The following LRP1B variants were observed in gnomAD, a reference collection of about 807,000 sequenced individuals.
LRP1B encodes the protein LDL receptor related protein 1B, also known as low-density lipoprotein receptor-related protein 1B.
LRP1B carries 217 observed loss-of-function variants against 556.6 expected under a neutral mutation model. That is an observed-to-expected ratio of 0.39 (90% CI 0.35 to 0.44). The LOEUF is 0.44. LRP1B is among the 20% of genes least tolerant of loss of function. The pLI is 1.00. For synonymous variants in LRP1B, 2,047 were observed against 1,865.8 expected (o/e 1.10, Z -2.50); for missense variants, 5,053 against 5,620.8 (o/e 0.90, Z 3.23).
chr2:141,011,153 T>C (rs1697737684), intron 14 of LRP1B, among the ~76,000 whole-genome samples: 1 of 150,496 alleles, frequency 6.6e-6, no homozygotes, highest in African/African-American at 2.4e-5. Flanking sequence ...AGGAGATATG[T>C]ACTACTTAGA....
At chr2:142,070,682 CTGATATTGATAT>C (rs112237423) in intron 1 of LRP1B, among the ~76,000 whole-genome samples, 45 of 151,672 alleles carry the variant, frequency 3.0e-4, no homozygotes, top group African/African-American at 6.5e-4. Context: ...TCAACAGATA[CTGATATTGATAT>C]TGATATTGAT....
intron 35 of LRP1B, among the ~76,000 whole-genome samples, chr2:140,720,406 G>T (rs1687359336): frequency 6.6e-6 from 1 of 151,886 alleles, no homozygotes; most frequent in South Asian, 2.1e-4. Context: ...ATGAGTCTTT[G>T]AAGCCATTTT....
chr2:140,828,304 C>T (rs901461525), intron 31 of LRP1B, among the ~76,000 whole-genome samples: 10 of 152,060 alleles, frequency 6.6e-5, no homozygotes, highest in African/African-American at 2.2e-4. Context: ...AGATTAAATT[C>T]TCCAATTTTT....
intron 41 of LRP1B, among the ~76,000 whole-genome samples, chr2:140,636,186 A>T (rs1454897920): frequency 2.0e-5 from 3 of 152,146 alleles, no homozygotes; most frequent in African/African-American, 7.2e-5. Flanking sequence ...ACAATTAAGA[A>T]ATTTTCTCTA....
At chr2:141,850,210 T>G (rs1697799239) in intron 1 of LRP1B, among the ~76,000 whole-genome samples, 2 of 151,718 alleles carry the variant, frequency 1.3e-5, no homozygotes, top group South Asian at 4.1e-4. Flanking sequence ...CATCTTTCCC[T>G]GCAGAAGTCA....
At chr2:141,862,597 CG>C (rs938623634) in intron 1 of LRP1B, among the ~76,000 whole-genome samples, 14 of 152,040 alleles carry the variant, frequency 9.2e-5, no homozygotes, top group African/African-American at 3.4e-4. Context: ...TTAGTAGAGA[CG>C]GGGTTTCAAC....
chr2:141,856,972 C>A (rs924513923), intron 1 of LRP1B, among the ~76,000 whole-genome samples: 1 of 151,008 alleles, frequency 6.6e-6, no homozygotes, highest in African/African-American at 2.4e-5. Flanking sequence ...GGTTGTGTGG[C>A]CTGGACTGTA....
intron 7 of LRP1B, among the ~76,000 whole-genome samples, chr2:141,184,302 C>A (rs1681141022): frequency 6.6e-6 from 1 of 151,906 alleles, no homozygotes; most frequent in Admixed American, 6.6e-5. Flanking sequence ...ACATGCTAAC[C>A]CAAAATCTGG....
chr2:140,277,678 T>C (rs1357158096), intron 84 of LRP1B, among the ~76,000 whole-genome samples: 1 of 151,616 alleles, frequency 6.6e-6, no homozygotes, highest in Non-Finnish European at 1.5e-5. Context: ...TCACTAGCAA[T>C]CAAGGAGATG....
intron 7 of LRP1B, among the ~76,000 whole-genome samples, chr2:141,178,767 C>T (rs1353562521): frequency 6.6e-6 from 1 of 151,992 alleles, no homozygotes; most frequent in African/African-American, 2.4e-5. Flanking sequence ...TATTTTTCTC[C>T]TTCTGCTAGT....
intron 5 of LRP1B, among the ~76,000 whole-genome samples, chr2:141,241,763 A>G (rs1409686525): frequency 2.0e-5 from 3 of 152,040 alleles, no homozygotes; most frequent in Non-Finnish European, 4.4e-5. Context: ...TCATGCACGC[A>G]TACGTGATAG....
intron 42 of LRP1B, among the ~76,000 whole-genome samples, chr2:140,600,771 T>TTG (rs1238007419): frequency 1.1e-5 from 1 of 88,684 alleles, no homozygotes. Context: ...TTCGGGGTTT[T>TTG]TTTTTTTTTT....
intron 2 of LRP1B, among the ~76,000 whole-genome samples, chr2:141,660,752 C>A (rs985398391): frequency 2.0e-5 from 3 of 152,144 alleles, no homozygotes; most frequent in Non-Finnish European, 2.9e-5. Flanking sequence ...CCCCTGCTGG[C>A]TCTGAAAAAT....
chr2:140,995,041 C>T (rs75612413), intron 15 of LRP1B, among the ~76,000 whole-genome samples: 3,737 of 152,052 alleles, frequency 0.025, 74 homozygotes, highest in East Asian at 0.048. Flanking sequence ...GGGCACATAT[C>T]ATGCTGGAGG....
chr2:141,375,775 G>A (rs986696500), intron 3 of LRP1B, among the ~76,000 whole-genome samples: 21 of 152,118 alleles, frequency 1.4e-4, no homozygotes, highest in Admixed American at 2.0e-4. Context: ...AGCCGTGGGT[G>A]GTGCTTTCTA....
chr2:141,658,472 A>C (rs1690095568), intron 2 of LRP1B, among the ~76,000 whole-genome samples: 1 of 152,190 alleles, frequency 6.6e-6, no homozygotes, highest in Admixed American at 6.5e-5. Flanking sequence ...GTGTTCCCTA[A>C]AAGGCAGCCC....
chr2:141,687,547 C>T (rs1211873658), intron 2 of LRP1B, among the ~76,000 whole-genome samples: 2 of 151,910 alleles, frequency 1.3e-5, no homozygotes, highest in African/African-American at 2.4e-5. Flanking sequence ...GCTGTTGGTT[C>T]TTGACCACAT....
At chr2:140,394,404 G>A (rs922003701) in intron 66 of LRP1B, among the ~76,000 whole-genome samples, 5 of 152,062 alleles carry the variant, frequency 3.3e-5, no homozygotes, top group Non-Finnish European at 5.9e-5. Context: ...CACTGAGGAG[G>A]CAGTACAGGG....
rs539566914 is a variant in LRP1B, at chr2:140,391,270, G to A, written c.10415-5261C>T. Among the ~76,000 whole-genome samples the A allele has an allele frequency of 2.6e-5, 4 of 152,142 alleles. No homozygotes were observed. The South Asian group carries it at 6.2e-4, about 24-fold the overall frequency. ...CAATATTTGACAGCATTATGCAAAT[G>A]AAAAAGTCACAAGCAAAATAATGGC... On this transcript the variant is annotated intron_variant, in intron 66 of 90. Transcript: ENST00000389484.
Sources: gnomAD v4.1 joint callset for allele counts (sites outside exome capture counted in the v4.1 genomes callset) on GRCh38, gnomAD v4.1.1 for gene constraint, MANE v1.5 for transcripts, NCBI Gene and HGNC (gene_info 2026-07-23, HGNC 2026-07-21) for gene names.